MTMR14: variants seen among roughly 807,000 people sequenced by gnomAD.
MTMR14 encodes the protein myotubularin related protein 14.
MTMR14 carries 48 observed loss-of-function variants against 86.3 expected under a neutral mutation model. The observed-to-expected ratio is 0.56, with a 90% confidence interval of 0.44 to 0.71. The LOEUF is 0.71. MTMR14 is among the 30% of genes least tolerant of loss of function. The pLI is 0.00. For synonymous variants in MTMR14, 366 were observed against 326.1 expected (o/e 1.12, Z -1.32); for missense variants, 780 against 834.6 (o/e 0.93, Z 0.81).
At chr3:9,687,152 C>G (rs2075985726) in intron 13 of MTMR14, among the ~76,000 whole-genome samples, 1 of 152,234 alleles carries the variant, frequency 6.6e-6, no homozygotes, top group Non-Finnish European at 1.5e-5. Flanking sequence ...CTATCCTTCC[C>G]TGTTAGCATC....
rs374654828 is a variant in MTMR14 at position 9,689,126 on chromosome 3, C to T, written c.1433+44C>T. The T allele has an allele frequency of 6.7e-5, 107 of 1,601,676 alleles. No individual in the cohort carries two copies. The African/African-American group carries it at 6.8e-4, about 10-fold the overall frequency. On this transcript the variant is annotated intron_variant, in intron 16 of 18. Transcript: ENST00000296003. ...ACCAAGGTCACTCACAGCTGTGGCC[C>T]GGGGCCATCAGCACCAGGGAGCCAG...
intron 1 of MTMR14, among the ~76,000 whole-genome samples, chr3:9,650,982 GT>G (rs376072708): frequency 1.3e-5 from 2 of 152,272 alleles, no homozygotes; most frequent in African/African-American, 4.8e-5. Context: ...TAGAGATGGA[GT>G]TTCCCCAGGT....
intron 4 of MTMR14, 33 bp from the exon 5 acceptor site, chr3:9,669,399 G>A: frequency 6.2e-7 from 1 of 1,612,356 alleles, no homozygotes; most frequent in Non-Finnish European, 8.5e-7. Flanking sequence ...TGGGTCACCA[G>A]CCTCAGTACT....
chr3:9,689,224 T>C (rs980071297), intron 16 of MTMR14, 142 bp downstream of exon 16: 1 of 1,317,786 alleles, frequency 7.6e-7, no homozygotes, highest in African/African-American at 1.5e-5. Context: ...CTGCTGTCTC[T>C]ACTGGGCCTC....
intron 2 of MTMR14, chr3:9,659,689 C>T (rs1022462266): frequency 8.8e-6 from 4 of 454,930 alleles, no homozygotes; most frequent in South Asian, 6.2e-5. Context: ...GGTGATCTGC[C>T]GCCTGAGCCT....
At chr3:9,675,347 T>A (rs1456088999) in intron 7 of MTMR14, among the ~76,000 whole-genome samples, 1 of 152,136 alleles carries the variant, frequency 6.6e-6, no homozygotes, top group African/African-American at 2.4e-5. Context: ...TATTACTTTA[T>A]AATAAGAAAA....
chr3:9,690,191 C>T (rs200543433), intron 17 of MTMR14, 48 bp downstream of exon 17: 2 of 1,601,296 alleles, frequency 1.2e-6, no homozygotes, highest in African/African-American at 2.7e-5. Context: ...AGCTTTCCCC[C>T]TTAATAAGAC....
intron 16 of MTMR14, 78 bp from the exon 17 acceptor site, chr3:9,689,886 C>A (rs906001542): frequency 5.1e-5 from 72 of 1,400,856 alleles, no homozygotes; most frequent in Non-Finnish European, 4.7e-5. Flanking sequence ...AAAGCCTAGG[C>A]CTGAAATTCA....
At chr3:9,667,762 T>G (rs940476790) in intron 3 of MTMR14, among the ~76,000 whole-genome samples, 8 of 152,354 alleles carry the variant, frequency 5.3e-5, no homozygotes, top group African/African-American at 1.7e-4. Flanking sequence ...GCACAACTCT[T>G]TGCTGTAGCA....
At chr3:9,653,475 TG>T in intron 1 of MTMR14, 145 bp from the exon 2 acceptor site, 1 of 949,262 alleles carries the variant, frequency 1.1e-6, no homozygotes, top group Non-Finnish European at 1.6e-6. Context: ...GTAGGACCTG[TG>T]GCCTAGCATC....
intron 5 of MTMR14, 81 bp downstream of exon 5, chr3:9,669,573 G>A (rs1252869574): frequency 9.7e-6 from 14 of 1,437,490 alleles, no homozygotes; most frequent in African/African-American, 2.8e-5. Flanking sequence ...CATATTGTCC[G>A]TGGGTATTTG....
intron 2 of MTMR14, among the ~76,000 whole-genome samples, chr3:9,657,551 T>C (rs2047679728): frequency 6.6e-6 from 1 of 152,060 alleles, no homozygotes. Flanking sequence ...ACCACTCTTT[T>C]TTTTTTTCAA....
chr3:9,701,946 CCG>C lies in MTMR14; in HGVS notation c.1927_1928del (p.Arg643GlufsTer25). The stretch of plus-strand genomic sequence containing the variant: ...AGCAATTTGCCCGTGGTGTTGGACT[CCG>C]GAGCATCAGCAGCAATGCCTTGTGA... ...LEQFARGVGL[R>X]SISSNAL On this transcript the variant is annotated frameshift_variant, in exon 19 of 19. Transcript: ENST00000296003. LOFTEE classifies it high-confidence loss of function. This position sits in a 1 kb window ranked among gnomAD's most constrained non-coding sequence, Gnocchi z 4.2. 6.2e-7 allele frequency: 1 copy of C among 1,614,174 alleles called. No individual in the cohort carries two copies. The highest frequency in any genetic ancestry group is 8.5e-7 in the Non-Finnish European group (1 of 1,180,042).
chr3:9,685,274 G>T, intron 13 of MTMR14, 27 bp downstream of exon 13: 1 of 1,613,584 alleles, frequency 6.2e-7, no homozygotes, highest in Non-Finnish European at 8.5e-7. Context: ...CGACTTGTGG[G>T]CACAGCTCAG....
At chr3:9,652,924 A>T (rs1030536768) in intron 1 of MTMR14, among the ~76,000 whole-genome samples, 1 of 152,134 alleles carries the variant, frequency 6.6e-6, no homozygotes, top group Admixed American at 6.5e-5. Flanking sequence ...CTTGGATGAC[A>T]GAGTGAGACT....
chr3:9,651,450 C>T (rs1187878410), intron 1 of MTMR14, among the ~76,000 whole-genome samples: 1 of 152,132 alleles, frequency 6.6e-6, no homozygotes, highest in Non-Finnish European at 1.5e-5. Context: ...TTCTGGACCC[C>T]TCTTCCAACT....
chr3:9,676,391 C>T (rs1440636835), intron 7 of MTMR14, among the ~76,000 whole-genome samples: 1 of 152,270 alleles, frequency 6.6e-6, no homozygotes, highest in Admixed American at 6.5e-5. Context: ...GACGCATTCT[C>T]TCTGACCAAG....
At chr3:9,660,357 C>G (rs2047858719) in intron 2 of MTMR14, among the ~76,000 whole-genome samples, 1 of 152,110 alleles carries the variant, frequency 6.6e-6, no homozygotes, top group Non-Finnish European at 1.5e-5. Context: ...CTCCCGGGTT[C>G]AAGCAGTTCT....
intron 2 of MTMR14, among the ~76,000 whole-genome samples, chr3:9,654,702 C>T (rs554461379): frequency 1.3e-5 from 2 of 152,356 alleles, no homozygotes; most frequent in African/African-American, 4.8e-5. Flanking sequence ...CCGCAGCAGT[C>T]ATGCTGCATA....
Sources: gnomAD v4.1 joint callset for allele counts (sites outside exome capture counted in the v4.1 genomes callset) on GRCh38, gnomAD v4.1.1 for gene constraint, Gnocchi (gnomAD v3.1) non-coding constraint, MANE v1.5 for transcripts, NCBI Gene and HGNC (gene_info 2026-07-23, HGNC 2026-07-21) for gene names.